RUSC2: variants seen among roughly 807,000 people sequenced by gnomAD.
RUSC2 encodes the protein RUN and SH3 domain containing 2, also known as AP-4 complex accessory subunit RUSC2.
In RUSC2, 34 loss-of-function variants were observed where a neutral mutation model predicts 122.2. The observed-to-expected ratio is 0.28, with a 90% CI of 0.21 to 0.37. The LOEUF (loss-of-function observed/expected upper bound fraction) is 0.37, where lower values mean the gene tolerates loss of function less well. Among genes scored for constraint, RUSC2 ranks in the 10% least tolerant of loss-of-function variants. The probability of loss-of-function intolerance (pLI) is 1.00; values close to 1 mark genes in which losing one functional copy is unlikely to be tolerated. For synonymous variants in RUSC2, 784 were observed against 790.0 expected (o/e 0.99, Z 0.13); for missense variants, 1,747 against 1,952.4 (o/e 0.89, Z 1.98).
chr9:35,518,301 C>T (rs140974265), intron 1 of RUSC2, among the ~76,000 whole-genome samples: 44 of 152,306 alleles, frequency 2.9e-4, no homozygotes, highest in Admixed American at 1.7e-3. Flanking sequence ...AGTCACTGTT[C>T]CTGTGTGCTT....
At chr9:35,534,192 T>C (rs1821478087) in intron 1 of RUSC2, among the ~76,000 whole-genome samples, 1 of 152,216 alleles carries the variant, frequency 6.6e-6, no homozygotes, top group Admixed American at 6.5e-5. Context: ...TTTTGATTTG[T>C]ACTGCCTAAT....
Position 35,546,326 on chromosome 9 carries a change from TCTCTTCCTGGG to T in RUSC2, c.-92-97_-92-87del, listed in dbSNP as rs778955263. The T allele has an allele frequency of 7.6e-6, 3 of 394,918 alleles. No homozygotes were observed. The highest frequency in any genetic ancestry group is 1.3e-5 in the Non-Finnish European group (3 of 226,214). The allele number at this position is 394,918 out of a possible 1,614,324, so 24.5% of individuals were successfully genotyped here. On this transcript the variant is annotated intron_variant, in intron 1 of 11. Transcript: ENST00000361226. This position sits in a 1 kb window ranked among gnomAD's most constrained non-coding sequence, Gnocchi z 4.3. ...AAGCTCCATCTTGACTCAAGCCTTT[TCTCTTCCTGGG>T]CTCTTCTCCATCTGAAAATGATGTA... is the stretch of plus-strand genomic sequence containing the variant.
At chr9:35,505,605 G>T (rs1375929465) in intron 1 of RUSC2, among the ~76,000 whole-genome samples, 1 of 152,100 alleles carries the variant, frequency 6.6e-6, no homozygotes, top group Non-Finnish European at 1.5e-5. Context: ...GATCTAGAGA[G>T]AAATTGACCT....
At chr9:35,492,271 C>T (rs1229161209) in intron 1 of RUSC2, among the ~76,000 whole-genome samples, 1 of 151,986 alleles carries the variant, frequency 6.6e-6, no homozygotes, top group Admixed American at 6.6e-5. Flanking sequence ...CATGGGAGGG[C>T]TTATGTGTTC....
Position 35,555,589 on chromosome 9 carries a change from C to T in RUSC2, c.2544C>T (p.Leu848=), listed in dbSNP as rs1219847986. 6.2e-7 allele frequency: 1 copy of T among 1,613,828 alleles called. No homozygotes were observed. Among genetic ancestry groups the T allele is most frequent in the Non-Finnish European group, 8.5e-7 (1 of 1,180,028 alleles). Residue 848 remains leucine, a synonymous_variant, in exon 3 of 12, where the codon CTC becomes CTT. Transcript: ENST00000361226. This position sits in a 1 kb window ranked among gnomAD's most constrained non-coding sequence, Gnocchi z 4.6. ...QKILTLTEYR[L]HGTGSLPPLG... is the part of the protein sequence containing the mutation. ...TACTGACCTTGACTGAGTACCGGCTCCATGGAACAGGAAGCTTGCCGCCTC... is the reference window on the plus strand; with the variant it reads ...TACTGACCTTGACTGAGTACCGGCTTCATGGAACAGGAAGCTTGCCGCCTC...
intron 1 of RUSC2, among the ~76,000 whole-genome samples, chr9:35,495,717 GA>G (rs1284722096): frequency 1.3e-5 from 2 of 152,096 alleles, no homozygotes; most frequent in Non-Finnish European, 2.9e-5. Context: ...ACATTGTTGG[GA>G]TTTTGATAGG....
intron 1 of RUSC2, among the ~76,000 whole-genome samples, chr9:35,507,209 A>AT (rs999611293): frequency 2.0e-5 from 3 of 152,160 alleles, no homozygotes; most frequent in Non-Finnish European, 4.4e-5. Flanking sequence ...GCATATATAA[A>AT]TTTTGCATGG....
At chr9:35,522,130 G>A (rs978623567) in intron 1 of RUSC2, among the ~76,000 whole-genome samples, 2 of 152,210 alleles carry the variant, frequency 1.3e-5, no homozygotes, top group African/African-American at 2.4e-5. Flanking sequence ...CTAATCTCAT[G>A]GCAAGGGTGG....
intron 1 of RUSC2, among the ~76,000 whole-genome samples, chr9:35,538,312 G>A (rs1399606971): frequency 3.9e-5 from 6 of 152,172 alleles, no homozygotes; most frequent in African/African-American, 1.4e-4. Flanking sequence ...ACCACCCAGT[G>A]TACAGAAGCC....
intron 2 of RUSC2, among the ~76,000 whole-genome samples, chr9:35,552,609 C>T (rs938066488): frequency 6.6e-6 from 1 of 152,152 alleles, no homozygotes; most frequent in African/African-American, 2.4e-5. Flanking sequence ...TGGATTCATT[C>T]ATAGACTCCA....
intron 1 of RUSC2, among the ~76,000 whole-genome samples, chr9:35,503,074 C>A (rs994552631): frequency 1.3e-5 from 2 of 152,100 alleles, no homozygotes; most frequent in Non-Finnish European, 2.9e-5. Context: ...GTTGGCCAGG[C>A]TGGTCTCGAA....
intron 1 of RUSC2, among the ~76,000 whole-genome samples, chr9:35,526,285 TGAG>T (rs1821324362): frequency 6.6e-6 from 1 of 152,188 alleles, no homozygotes; most frequent in African/African-American, 2.4e-5. Flanking sequence ...ATGCTGGGAT[TGAG>T]GAGTGGGGAA....
rs181594263 is a variant in RUSC2 at position 35,494,424 on chromosome 9, C to T, written c.-93+4252C>T. 2.8e-4 allele frequency among the ~76,000 whole-genome samples: 42 copies of T among 152,102 alleles called. No individual in the cohort carries two copies. The Middle Eastern group carries it at 0.014, about 49-fold the overall frequency. On this transcript the variant is annotated intron_variant, in intron 1 of 11. Coordinates refer to ENST00000361226, the MANE Select transcript of RUSC2 (RefSeq NM_014806.5). ...GGTTGCAGTGAGCTGAGCTCATGCC[C>T]CTGCACTCCAGCTTGAGTGACAGAG...
chr9:35,561,570 C>G lies in RUSC2; in HGVS notation c.*188C>G, dbSNP rs1028994217. 1.2e-5 allele frequency: 7 copies of G among 605,240 alleles called. No individual in the cohort carries two copies. Among genetic ancestry groups the G allele is most frequent in the Non-Finnish European group, 2.0e-5 (7 of 344,222 alleles). 37.5% of individuals were successfully genotyped at this position (605,240 alleles called of 1,614,324 possible). A position where few individuals can be genotyped will look rare whatever the true frequency, so the allele number is the denominator to read the frequency against. ...CCTTAACTGTCCCAGTGACCTTGTC[C>G]AGACCTCCACCCAGGAGAGGGATGG... On this transcript the variant is annotated 3_prime_UTR_variant, in exon 12 of 12. Coordinates refer to ENST00000361226, the MANE Select transcript of RUSC2 (RefSeq NM_014806.5).
chr9:35,497,665 G>A (rs952106812), intron 1 of RUSC2, among the ~76,000 whole-genome samples: 4 of 152,054 alleles, frequency 2.6e-5, no homozygotes, highest in South Asian at 4.1e-4. Flanking sequence ...AGACATTAAA[G>A]ACATTGATAT....
At chr9:35,556,778 G>T (rs1311543423) in intron 5 of RUSC2, among the ~76,000 whole-genome samples, 1 of 152,194 alleles carries the variant, frequency 6.6e-6, no homozygotes, top group Non-Finnish European at 1.5e-5. Context: ...AGTGAGCCAA[G>T]ATCACACCAT....
intron 1 of RUSC2, among the ~76,000 whole-genome samples, chr9:35,520,356 G>A (rs914841897): frequency 1.3e-5 from 2 of 152,170 alleles, no homozygotes; most frequent in African/African-American, 4.8e-5. Context: ...TGAGGGAGGG[G>A]TGTACTTGAA....
intron 1 of RUSC2, among the ~76,000 whole-genome samples, chr9:35,499,749 G>T (rs1820788210): frequency 6.6e-6 from 1 of 152,058 alleles, no homozygotes; most frequent in Non-Finnish European, 1.5e-5. Flanking sequence ...CTTGTATTTA[G>T]TGTACTTAGG....
At chr9:35,498,760 C>G (rs959641665) in intron 1 of RUSC2, among the ~76,000 whole-genome samples, 2 of 150,214 alleles carry the variant, frequency 1.3e-5, no homozygotes, top group African/African-American at 4.9e-5. Flanking sequence ...ACTCAGGAGG[C>G]TAAGGCAGGG....
Sources: allele counts gnomAD v4.1 joint callset (sites outside exome capture counted in the v4.1 genomes callset), GRCh38; gene constraint gnomAD v4.1.1; non-coding constraint Gnocchi (gnomAD v3.1); transcripts MANE v1.5; gene names NCBI Gene and HGNC (gene_info 2026-07-23, HGNC 2026-07-21).